The following PLXNC1 variants were observed in gnomAD, a reference collection of about 807,000 sequenced individuals.
The protein encoded by PLXNC1 is plexin-C1.
In PLXNC1, 75 loss-of-function variants were observed where a neutral mutation model predicts 178.2. The observed-to-expected ratio is 0.42, with a 90% confidence interval of 0.35 to 0.51. PLXNC1 has a LOEUF of 0.51. PLXNC1 is among the 20% of genes least tolerant of loss of function. The probability of loss-of-function intolerance (pLI) is 0.02; values close to 1 mark genes in which losing one functional copy is unlikely to be tolerated. For missense variants in PLXNC1, 1,503 were observed against 1,984.4 expected (o/e 0.76, Z 4.61); for synonymous variants, 790 against 779.9 (o/e 1.01, Z -0.22).
chr12:94,243,444 C>T (rs1964446026), intron 11 of PLXNC1, among the ~76,000 whole-genome samples: 1 of 152,210 alleles, frequency 6.6e-6, no homozygotes, highest in Non-Finnish European at 1.5e-5. Flanking sequence ...TAGGAATTTA[C>T]ACTTTGCATG....
At chr12:94,268,198 T>C (rs1965361440) in intron 21 of PLXNC1, among the ~76,000 whole-genome samples, 1 of 152,194 alleles carries the variant, frequency 6.6e-6, no homozygotes, top group African/African-American at 2.4e-5. Flanking sequence ...TTCACACCTC[T>C]CAGATGAGGA....
chr12:94,229,119 C>T (rs777913454), intron 9 of PLXNC1, among the ~76,000 whole-genome samples: 5 of 152,132 alleles, frequency 3.3e-5, no homozygotes, highest in Admixed American at 6.5e-5. Context: ...CAGGTGGTAT[C>T]TCATTGTGGT....
At chr12:94,197,480 T>C (rs56791583) in intron 4 of PLXNC1, among the ~76,000 whole-genome samples, 82,555 of 151,034 alleles carry the variant, frequency 0.55, 23,156 homozygotes, top group East Asian at 0.82. Context: ...TCCCTCGTGC[T>C]TTCTTGCCCT....
intron 9 of PLXNC1, among the ~76,000 whole-genome samples, chr12:94,233,831 C>G (rs1196939410): frequency 2.0e-5 from 3 of 152,144 alleles, no homozygotes; most frequent in African/African-American, 7.2e-5. Flanking sequence ...CGGCTGGTTA[C>G]CACTCTTACC....
intron 21 of PLXNC1, among the ~76,000 whole-genome samples, chr12:94,266,467 G>A (rs1965249689): frequency 6.6e-6 from 1 of 152,232 alleles, no homozygotes; most frequent in African/African-American, 2.4e-5. Context: ...CGCCCAGAAA[G>A]CTCACTAAAC....
Position 94,237,800 on chromosome 12 carries a change from A to T in PLXNC1, c.2117A>T (p.Asp706Val). 1 of 1,613,332 alleles carries T rather than the reference A, an allele frequency of 6.2e-7. No individual in the cohort carries two copies. Among genetic ancestry groups the T allele is most frequent in the Non-Finnish European group, 8.5e-7 (1 of 1,179,840 alleles). Reference sequence around the variant, plus strand: ...AAAGGAACCAGTACCTGTGATAAGGATGTGTGAGTCGAAATACTAATAATT... The same window carrying T: ...AAAGGAACCAGTACCTGTGATAAGGTTGTGTGAGTCGAAATACTAATAATT... ...ILKGTSTCDK[D>V]VIQVSHVLND... The change falls in exon 10 of 31, where the codon GAT (aspartate) becomes GTT (valine). Residue 706 changes from aspartate (D) to valine (V), a missense_variant. Physicochemically the swap from Asp to Val is radical, Grantham distance 152 (BLOSUM62 -3). Coordinates refer to ENST00000258526, the MANE Select transcript of PLXNC1 (RefSeq NM_005761.3).
chr12:94,205,875 G>T (rs1350599104), intron 4 of PLXNC1, among the ~76,000 whole-genome samples: 1 of 152,214 alleles, frequency 6.6e-6, no homozygotes, highest in Admixed American at 6.5e-5. Flanking sequence ...TCTATTAAGT[G>T]GTGGTTAGGA....
chr12:94,288,019 C>A (rs921486046), intron 23 of PLXNC1, among the ~76,000 whole-genome samples: 1 of 152,210 alleles, frequency 6.6e-6, no homozygotes, highest in Non-Finnish European at 1.5e-5. Context: ...GCGAAATAAC[C>A]ACTCTAGAGA....
At chr12:94,172,657 G>A (rs1565791971) in intron 2 of PLXNC1, among the ~76,000 whole-genome samples, 1 of 152,050 alleles carries the variant, frequency 6.6e-6, no homozygotes, top group Non-Finnish European at 1.5e-5. Flanking sequence ...GTTAGTGAGG[G>A]AAAATGCTTA....
intron 4 of PLXNC1, among the ~76,000 whole-genome samples, chr12:94,198,929 A>G (rs774751845): frequency 2.3e-4 from 35 of 152,178 alleles, no homozygotes; most frequent in Non-Finnish European, 4.4e-4. Flanking sequence ...TGAGGTTCTG[A>G]TGGGCACGAA....
chr12:94,149,502 G>A lies in PLXNC1; in HGVS notation c.531G>A (p.Leu177=), dbSNP rs1041556578. 2 of 1,533,160 alleles carry A rather than the reference G, an allele frequency of 1.3e-6. No homozygotes were observed. Among genetic ancestry groups the A allele is most frequent in the Non-Finnish European group, 1.7e-6 (2 of 1,145,516 alleles). 95.0% of individuals were successfully genotyped at this position (1,533,160 alleles called of 1,614,324 possible). Residue 177 remains leucine, a synonymous_variant, in exon 1 of 31, where the codon CTG becomes CTA. Coordinates refer to ENST00000258526, the MANE Select transcript of PLXNC1 (RefSeq NM_005761.3). Reference sequence around the variant, plus strand: ...CGGGCCGGAACAACCGCTGGTACCTGGCGGTGGCCGCCACCTACGTGCTGC... The same window carrying A: ...CGGGCCGGAACAACCGCTGGTACCTAGCGGTGGCCGCCACCTACGTGCTGC... ...YRAGRNNRWY[L]AVAATYVLPE...
chr12:94,210,691 G>A (rs147167157), intron 5 of PLXNC1, among the ~76,000 whole-genome samples: 1 of 152,200 alleles, frequency 6.6e-6, no homozygotes, highest in Non-Finnish European at 1.5e-5. Context: ...AAGCTTCTAA[G>A]TTGTAACTGA....
chr12:94,210,970 G>A lies in PLXNC1; in HGVS notation c.1554+1266G>A, dbSNP rs180762366. ...AATCCTTGAATATACCCAGGACTCT[G>A]ATAAGTGGTTAAAATTCTGGAAGAT... On this transcript the variant is annotated intron_variant, in intron 5 of 30. Transcript: ENST00000258526. Among the ~76,000 whole-genome samples the A allele has an allele frequency of 7.9e-5, 12 of 152,290 alleles. 1 individual carries two copies. In the East Asian group the frequency reaches 2.3e-3, roughly 29 times the overall value.
At chr12:94,219,428 T>A (rs1963729318) in intron 5 of PLXNC1, among the ~76,000 whole-genome samples, 1 of 152,138 alleles carries the variant, frequency 6.6e-6, no homozygotes, top group African/African-American at 2.4e-5. Context: ...AAAAATAAAT[T>A]CCAGATGGAT....
rs193004262 is a variant in PLXNC1 at position 94,213,010 on chromosome 12, T to C, written c.1554+3306T>C. Reference sequence around the variant, plus strand: ...CTGGGATTACAGGCGTGAGCCACCGTGCCCGGCCTACGTGCCACATTTCCT... The same window carrying C: ...CTGGGATTACAGGCGTGAGCCACCGCGCCCGGCCTACGTGCCACATTTCCT... On this transcript the variant is annotated intron_variant, in intron 5 of 30. Transcript: ENST00000258526. Among the ~76,000 whole-genome samples, 15 of 152,310 alleles carry C rather than the reference T, an allele frequency of 9.8e-5. No homozygotes were observed. In the East Asian group the frequency reaches 1.5e-3, roughly 16 times the overall value.
intron 21 of PLXNC1, among the ~76,000 whole-genome samples, chr12:94,265,864 C>G (rs1242846399): frequency 6.6e-6 from 1 of 152,062 alleles, no homozygotes; most frequent in African/African-American, 2.4e-5. Flanking sequence ...ACCCCATGCT[C>G]TTCCTAAAGA....
At chr12:94,297,266 T>C (rs1362315994) in intron 25 of PLXNC1, 46 bp downstream of exon 25, 1 of 1,613,370 alleles carries the variant, frequency 6.2e-7, no homozygotes, top group Non-Finnish European at 8.5e-7. Context: ...GCATGCCTTC[T>C]GTAGCAAGAG....
intron 13 of PLXNC1, 51 bp from the exon 14 acceptor site, chr12:94,248,176 T>A: frequency 6.3e-7 from 1 of 1,595,806 alleles, no homozygotes; most frequent in Non-Finnish European, 8.6e-7. Flanking sequence ...TTTATGCTCG[T>A]GAGTTTCTAC....
intron 15 of PLXNC1, among the ~76,000 whole-genome samples, chr12:94,253,557 C>T (rs2136071919): frequency 6.6e-6 from 1 of 152,332 alleles, no homozygotes; most frequent in South Asian, 2.1e-4. Flanking sequence ...TCATACTCCA[C>T]CCTTTCTTAG....
Sources: gnomAD v4.1 joint callset for allele counts (sites outside exome capture counted in the v4.1 genomes callset) on GRCh38, gnomAD v4.1.1 for gene constraint, MANE v1.5 for transcripts, NCBI Gene and HGNC (gene_info 2026-07-23, HGNC 2026-07-21) for gene names.